TMTC1: variants seen among roughly 807,000 people sequenced by gnomAD.
The protein encoded by TMTC1 is transmembrane O-mannosyltransferase targeting cadherins 1.
TMTC1 carries 73 observed loss-of-function variants against 104.8 expected under a neutral mutation model. The observed-to-expected ratio is 0.70, with a 90% CI of 0.58 to 0.85. TMTC1 has a LOEUF of 0.85. Among genes scored for constraint, TMTC1 ranks in the 40% least tolerant of loss-of-function variants. TMTC1 has a pLI of 0.00. For missense variants in TMTC1, 1,035 were observed against 1,096.1 expected (o/e 0.94, Z 0.79); for synonymous variants, 434 against 428.7 (o/e 1.01, Z -0.15).
At chr12:29,567,920 A>T (rs1945562217) in intron 9 of TMTC1, among the ~76,000 whole-genome samples, 1 of 152,240 alleles carries the variant, frequency 6.6e-6, no homozygotes, top group Non-Finnish European at 1.5e-5. Flanking sequence ...ATCAGCAAAC[A>T]TTGGTTAATT....
At chr12:29,713,859 G>A (rs908331966) in intron 5 of TMTC1, among the ~76,000 whole-genome samples, 2 of 152,076 alleles carry the variant, frequency 1.3e-5, no homozygotes, top group East Asian at 1.9e-4. Context: ...CAATGCCACC[G>A]TGTAGAGAGG....
At chr12:29,704,573 C>T (rs1941688397) in intron 5 of TMTC1, among the ~76,000 whole-genome samples, 1 of 152,176 alleles carries the variant, frequency 6.6e-6, no homozygotes, top group African/African-American at 2.4e-5. Flanking sequence ...ACTCTAATTT[C>T]CTTGTGAGTG....
intron 1 of TMTC1, among the ~76,000 whole-genome samples, chr12:29,769,283 CAG>C (rs1592034574): frequency 6.6e-6 from 1 of 152,158 alleles, no homozygotes; most frequent in South Asian, 2.1e-4. Flanking sequence ...CTGAAGTAAT[CAG>C]AGTCTTAACT....
At chr12:29,618,581 A>G (rs995761911) in intron 6 of TMTC1, among the ~76,000 whole-genome samples, 1 of 151,432 alleles carries the variant, frequency 6.6e-6, no homozygotes, top group African/African-American at 2.4e-5. Context: ...TGGAGGGATG[A>G]TTCTTCCCAG....
intron 5 of TMTC1, among the ~76,000 whole-genome samples, chr12:29,728,833 C>CAA (rs113484573): frequency 3.1e-5 from 4 of 129,550 alleles, no homozygotes; most frequent in African/African-American, 5.6e-5. Flanking sequence ...CGCCGTCCTA[C>CAA]AAAAAAAAAA....
chr12:29,729,218 T>C (rs1294834341), intron 5 of TMTC1, among the ~76,000 whole-genome samples: 2 of 151,604 alleles, frequency 1.3e-5, no homozygotes, highest in Non-Finnish European at 2.9e-5. Context: ...GCGTTCTCAA[T>C]AATTTGTCAC....
At chr12:29,528,628 G>A (rs1944413743) in intron 11 of TMTC1, among the ~76,000 whole-genome samples, 1 of 152,164 alleles carries the variant, frequency 6.6e-6, no homozygotes, top group Non-Finnish European at 1.5e-5. Flanking sequence ...ACTGTCTTGA[G>A]CCAAATCGTG....
At position 29,692,979 on chromosome 12, in the gene TMTC1, G is replaced by A. The variant is rs1302990836; in HGVS notation, c.938+58687C>T. Among the ~76,000 whole-genome samples, 3 of 144,818 alleles carry A rather than the reference G, an allele frequency of 2.1e-5. 1 individual carries two copies. The highest frequency in any genetic ancestry group is 4.5e-5 in the Non-Finnish European group (3 of 66,172). On this transcript the variant is annotated intron_variant, in intron 5 of 17. Coordinates refer to ENST00000539277, the MANE Select transcript of TMTC1 (RefSeq NM_001193451.2). ...CAGAAAGCAGATGAGTGATTGCCTG[G>A]GGCTGGGATTAGGAGTGAAAACTGA...
In TMTC1 at chr12:29,697,698, G is replaced by A. The variant is rs139661847; in HGVS notation, c.938+53968C>T. 2.9e-4 allele frequency among the ~76,000 whole-genome samples: 44 copies of A among 152,272 alleles called. 1 individual carries two copies. The East Asian group carries it at 4.8e-3, about 17-fold the overall frequency. On this transcript the variant is annotated intron_variant, in intron 5 of 17. Coordinates refer to ENST00000539277, the MANE Select transcript of TMTC1 (RefSeq NM_001193451.2). The stretch of plus-strand genomic sequence containing the variant: ...AGTCAATGCCCCAGGGTCTGAGTGT[G>A]AAGGCAGGAAGAGCTGATTTTGCAG...
intron 11 of TMTC1, among the ~76,000 whole-genome samples, chr12:29,521,447 C>A (rs1410911895): frequency 6.6e-6 from 1 of 152,194 alleles, no homozygotes; most frequent in Non-Finnish European, 1.5e-5. Context: ...ATCACCACAT[C>A]TCTCATTCTA....
intron 5 of TMTC1, among the ~76,000 whole-genome samples, chr12:29,691,236 C>T (rs1031894868): frequency 1.3e-5 from 2 of 152,266 alleles, no homozygotes; most frequent in African/African-American, 2.4e-5. Flanking sequence ...GCACTTGATG[C>T]ACCAGCTGAC....
intron 5 of TMTC1, among the ~76,000 whole-genome samples, chr12:29,749,569 G>A (rs1471821248): frequency 6.6e-6 from 1 of 151,950 alleles, no homozygotes; most frequent in Non-Finnish European, 1.5e-5. Flanking sequence ...AAAAATTCAC[G>A]ATTTCCCCAA....
At chr12:29,640,341 G>T (rs541578184) in intron 5 of TMTC1, among the ~76,000 whole-genome samples, 11 of 152,140 alleles carry the variant, frequency 7.2e-5, no homozygotes, top group Non-Finnish European at 8.8e-5. Flanking sequence ...AGCAGCGAGG[G>T]GGGGCTCACA....
At chr12:29,586,883 G>T (rs1486405863) in intron 7 of TMTC1, among the ~76,000 whole-genome samples, 1 of 151,964 alleles carries the variant, frequency 6.6e-6, no homozygotes. Flanking sequence ...CAAGGATAGT[G>T]GTCTAAAATT....
intron 5 of TMTC1, among the ~76,000 whole-genome samples, chr12:29,727,331 T>TG (rs1370323051): frequency 6.6e-6 from 1 of 152,188 alleles, no homozygotes; most frequent in Non-Finnish European, 1.5e-5. Flanking sequence ...TGTGGGAACT[T>TG]GGGGGACCAA....
At chr12:29,568,665 T>C in intron 9 of TMTC1, 1 of 193,588 alleles carries the variant, frequency 5.2e-6, no homozygotes, top group East Asian at 1.1e-4. Context: ...TGTTTTATGA[T>C]TCTCCATTTT....
At chr12:29,663,146 T>C (rs2136651179) in intron 5 of TMTC1, among the ~76,000 whole-genome samples, 1 of 152,308 alleles carries the variant, frequency 6.6e-6, no homozygotes, top group Admixed American at 6.5e-5. Flanking sequence ...GTCAACTGGG[T>C]TCTTCGTTGC....
intron 5 of TMTC1, among the ~76,000 whole-genome samples, chr12:29,724,322 G>T (rs527398836): frequency 6.6e-6 from 1 of 152,180 alleles, no homozygotes; most frequent in East Asian, 1.9e-4. Context: ...GTTACAACCA[G>T]TTTGGGAGAA....
chr12:29,598,145 A>G (rs778755922), intron 7 of TMTC1, among the ~76,000 whole-genome samples: 5 of 152,198 alleles, frequency 3.3e-5, no homozygotes, highest in African/African-American at 4.8e-5. Flanking sequence ...GTGGAGTCCT[A>G]GTTCAGCTTT....
Sources: gnomAD v4.1 joint callset for allele counts (sites outside exome capture counted in the v4.1 genomes callset) on GRCh38, gnomAD v4.1.1 for gene constraint, MANE v1.5 for transcripts, NCBI Gene and HGNC (gene_info 2026-07-23, HGNC 2026-07-21) for gene names.